The following BPNT1 variants were observed in gnomAD, a reference collection of about 807,000 sequenced individuals.
BPNT1 encodes 3'(2'),5'-bisphosphate nucleotidase 1.
BPNT1 carries 28 observed loss-of-function variants against 36.9 expected under a neutral mutation model. The ratio of observed to expected loss-of-function variants is 0.76; its 90% confidence interval spans 0.56 to 1.04. The LOEUF (loss-of-function observed/expected upper bound fraction) is 1.04, where lower values mean the gene tolerates loss of function less well. Ranked by LOEUF, BPNT1 falls within the 50% of genes least tolerant of loss-of-function variation. BPNT1 has a pLI of 0.00. For synonymous variants in BPNT1, 119 were observed against 130.9 expected, an observed-to-expected ratio of 0.91 and a Z score of 0.62; for missense variants, 313 against 372.9, an observed-to-expected ratio of 0.84 and a Z score of 1.32.
At chr1:220,079,656 T>C (rs1480924150) in intron 2 of BPNT1, 71 bp downstream of exon 2, 2 of 1,586,048 alleles carry the variant, frequency 1.3e-6, no homozygotes, top group Non-Finnish European at 1.7e-6. Flanking sequence ...CTGTCCACAT[T>C]TTTATATCAT....
intron 1 of BPNT1, among the ~76,000 whole-genome samples, chr1:220,088,806 G>T (rs111924196): frequency 1.4e-5 from 2 of 143,630 alleles, no homozygotes; most frequent in Non-Finnish European, 3.0e-5. Flanking sequence ...AAAAAAAAAA[G>T]AAAGAAAGAA....
At chr1:220,081,264 C>T (rs959758289) in intron 1 of BPNT1, among the ~76,000 whole-genome samples, 5 of 152,108 alleles carry the variant, frequency 3.3e-5, no homozygotes, top group Non-Finnish European at 7.4e-5. Flanking sequence ...GAATTCAGGC[C>T]GGGCACGGTG....
chr1:220,074,154 T>C lies in BPNT1; in HGVS notation c.121-83A>G, dbSNP rs958300535. On this transcript the variant is annotated intron_variant, in intron 2 of 8. Transcript: ENST00000322067. ...TCCTTGTGCATGAGTGCCTACATAA[T>C]TTAGATTACACTGTCAGTTTTTAGA... The C allele has an allele frequency of 2.5e-6, 3 of 1,213,384 alleles. No homozygotes were observed. The African/African-American group carries it at 4.6e-5, about 18-fold the overall frequency. The allele number at this position is 1,213,384 out of a possible 1,614,324, so 75.2% of individuals were successfully genotyped here. A position where few individuals can be genotyped will look rare whatever the true frequency, so the allele number is the denominator to read the frequency against.
In BPNT1 at chr1:220,058,357, A is replaced by G; in HGVS notation, c.*487T>C. 1.0e-6 allele frequency: 1 copy of G among 981,064 alleles called. No individual in the cohort carries two copies. Among genetic ancestry groups the G allele is most frequent in the Non-Finnish European group, 1.2e-6 (1 of 824,916 alleles). 60.8% of individuals were successfully genotyped at this position (981,064 alleles called of 1,614,324 possible). ...ATTGGTCTGGTTGATTAATCAAGTTAAATTATTTAATTCTATTTTCTATTC... is the reference window on the plus strand; with the variant it reads ...ATTGGTCTGGTTGATTAATCAAGTTGAATTATTTAATTCTATTTTCTATTC... On this transcript the variant is annotated 3_prime_UTR_variant, in exon 9 of 9. Transcript: ENST00000322067.
chr1:220,058,119 T>C lies in BPNT1; in HGVS notation c.*725A>G. The C allele has an allele frequency of 1.1e-6, 1 of 924,820 alleles. No individual in the cohort carries two copies. Among genetic ancestry groups the C allele is most frequent in the Non-Finnish European group, 1.3e-6 (1 of 747,662 alleles). 57.3% of individuals were successfully genotyped at this position (924,820 alleles called of 1,614,324 possible). On this transcript the variant is annotated 3_prime_UTR_variant, in exon 9 of 9. Transcript: ENST00000322067. The stretch of plus-strand genomic sequence containing the variant: ...TGAACCCGGGAGGCGGAGCTTGCAG[T>C]GAGCCGAGATCACGCCACTACATTC...
At position 220,059,487 on chromosome 1, in the gene BPNT1, G is replaced by A. The variant is rs542076727; in HGVS notation, c.778+199C>T. Among the ~76,000 whole-genome samples, 4 of 151,462 alleles carry A rather than the reference G, an allele frequency of 2.6e-5. No homozygotes were observed. The East Asian group carries it at 5.8e-4, about 22-fold the overall frequency. On this transcript the variant is annotated intron_variant, in intron 8 of 8. Coordinates refer to ENST00000322067, the MANE Select transcript of BPNT1 (RefSeq NM_006085.6). Reference sequence around the variant, plus strand: ...CAGATCAAAGTTCAAAAAAAGAGACGATAACTAAAGTAAAACTTGCTGAAA... The same window carrying A: ...CAGATCAAAGTTCAAAAAAAGAGACAATAACTAAAGTAAAACTTGCTGAAA...
chr1:220,069,598 T>A (rs1246824409), intron 4 of BPNT1, among the ~76,000 whole-genome samples, 166 bp from the exon 5 acceptor site: 1 of 152,178 alleles, frequency 6.6e-6, no homozygotes, highest in East Asian at 1.9e-4. Flanking sequence ...CTTATTCTTT[T>A]GTAATCATGG....
chr1:220,086,326 G>A lies in BPNT1; in HGVS notation c.-9+3360C>T, dbSNP rs1321583931. Among the ~76,000 whole-genome samples the A allele has an allele frequency of 4.6e-5, 7 of 152,134 alleles. No homozygotes were observed. The East Asian group carries it at 7.7e-4, about 17-fold the overall frequency. On this transcript the variant is annotated intron_variant, in intron 1 of 8. Coordinates refer to ENST00000322067, the MANE Select transcript of BPNT1 (RefSeq NM_006085.6). ...CGCTCTGTCGCCCAGGCTAAAGTGC[G>A]GTGGCCTGATATCGGCTCACTGCAA...
chr1:220,061,361 C>CA (rs1214021690), intron 7 of BPNT1, among the ~76,000 whole-genome samples: 2 of 151,872 alleles, frequency 1.3e-5, no homozygotes, highest in Non-Finnish European at 2.9e-5. Context: ...TTATAAAACT[C>CA]AGACTCTTCT....
chr1:220,072,387 G>T (rs531329190), intron 4 of BPNT1, among the ~76,000 whole-genome samples: 79 of 152,052 alleles, frequency 5.2e-4, no homozygotes, highest in African/African-American at 1.9e-3. Flanking sequence ...AGATGGTGCT[G>T]GTTGCAGCCT....
intron 7 of BPNT1, among the ~76,000 whole-genome samples, chr1:220,062,221 C>T (rs1361929157): frequency 6.6e-6 from 1 of 151,108 alleles, no homozygotes; most frequent in East Asian, 1.9e-4. Flanking sequence ...TATACATGTG[C>T]CATGCTGGTG....
At chr1:220,074,805 G>C (rs1664397097) in intron 2 of BPNT1, among the ~76,000 whole-genome samples, 1 of 151,916 alleles carries the variant, frequency 6.6e-6, no homozygotes, top group Non-Finnish European at 1.5e-5. Context: ...AAGAAATCCT[G>C]TTTCTAAAAA....
chr1:220,072,875 T>A lies in BPNT1; in HGVS notation c.308A>T (p.Gln103Leu), dbSNP rs1571766539. The A allele has an allele frequency of 1.2e-6, 2 of 1,614,006 alleles. No individual in the cohort carries two copies. The highest frequency in any genetic ancestry group is 2.7e-5 in the African/African-American group (2 of 74,958). Residue 103 changes from glutamine to leucine, a missense_variant, in exon 4 of 9, where the codon CAG becomes CTG. By Grantham distance (113) the Gln-to-Leu change is moderately radical (BLOSUM62 -2). Coordinates refer to ENST00000322067, the MANE Select transcript of BPNT1 (RefSeq NM_006085.6). ...EEILKQPCPS[Q>L]YSAIKEEDLV... ...ATCTTCTTCTTTAATAGCACTGTACTGCGATGGGCATGGTTGCTTCAGTAT... is the reference window on the plus strand; with the variant it reads ...ATCTTCTTCTTTAATAGCACTGTACAGCGATGGGCATGGTTGCTTCAGTAT...
intron 6 of BPNT1, among the ~76,000 whole-genome samples, chr1:220,064,569 G>A (rs1420188199): frequency 4.6e-5 from 7 of 152,110 alleles, no homozygotes; most frequent in Non-Finnish European, 7.4e-5. Flanking sequence ...GAGATGTCAG[G>A]TCTTTAAACT....
chr1:220,062,110 G>T (rs1419999203), intron 7 of BPNT1, among the ~76,000 whole-genome samples: 1 of 149,632 alleles, frequency 6.7e-6, no homozygotes, highest in Non-Finnish European at 1.5e-5. Context: ...ACAAATTATA[G>T]TCTTTACTCC....
chr1:220,066,395 C>T (rs945776066), intron 6 of BPNT1, among the ~76,000 whole-genome samples: 1 of 152,114 alleles, frequency 6.6e-6, no homozygotes, highest in Admixed American at 6.6e-5. Context: ...ACATATAACT[C>T]TTTTGGTAAA....
At chr1:220,059,329 T>C (rs1236589288) in intron 8 of BPNT1, among the ~76,000 whole-genome samples, 3 of 140,238 alleles carry the variant, frequency 2.1e-5, no homozygotes, top group East Asian at 4.2e-4. Flanking sequence ...CAACCTCGGT[T>C]CACTACAAGC....
intron 2 of BPNT1, among the ~76,000 whole-genome samples, chr1:220,077,733 T>A (rs975271837): frequency 6.6e-6 from 1 of 152,208 alleles, no homozygotes; most frequent in African/African-American, 2.4e-5. Context: ...GTAACAACCC[T>A]AGATAGATAT....
At chr1:220,075,773 A>T (rs1227248906) in intron 2 of BPNT1, among the ~76,000 whole-genome samples, 2 of 152,236 alleles carry the variant, frequency 1.3e-5, no homozygotes, top group African/African-American at 4.8e-5. Context: ...TTTAAAAATA[A>T]GGTATCAACG....
Sources: allele counts gnomAD v4.1 joint callset (sites outside exome capture counted in the v4.1 genomes callset), GRCh38; gene constraint gnomAD v4.1.1; transcripts MANE v1.5; gene names NCBI Gene and HGNC (gene_info 2026-07-23, HGNC 2026-07-21).